SAMD5: variants seen among roughly 807,000 people sequenced by gnomAD.
SAMD5 encodes the protein sterile alpha motif domain containing 5.
In SAMD5, 13 loss-of-function variants were observed where a neutral mutation model predicts 11.3. That is an observed-to-expected ratio of 1.15 (90% CI 0.75 to 1.83). SAMD5 has a LOEUF of 1.83. SAMD5 is among the 40% of genes most tolerant of loss of function. The pLI is 0.00. For synonymous variants in SAMD5, 129 were observed against 111.3 expected (o/e 1.16, Z -1.00); for missense variants, 255 against 239.1 (o/e 1.07, Z -0.44).
At chr6:147,935,113 G>A in the SAMD5 span, among the ~76,000 whole-genome samples, 1 of 152,184 alleles carries the variant, frequency 6.6e-6, no homozygotes, top group African/African-American at 2.4e-5. Context: ...TGTCTCCAGT[G>A]TGACTGGCCT....
chr6:147,650,485 C>T (rs1302018), intron 1 of SAMD5, among the ~76,000 whole-genome samples: 50,867 of 152,108 alleles, frequency 0.33, 9,192 homozygotes, highest in East Asian at 0.54. Context: ...TAGCTGAAGA[C>T]GAGGCTGAAC....
the SAMD5 span, among the ~76,000 whole-genome samples, chr6:147,800,712 G>A: frequency 1.3e-5 from 2 of 151,982 alleles, no homozygotes; most frequent in Admixed American, 6.6e-5. Context: ...AATTCTAAAA[G>A]CCTAATGAAT....
chr6:147,787,704 G>A, the SAMD5 span, among the ~76,000 whole-genome samples: 22 of 152,208 alleles, frequency 1.4e-4, no homozygotes, highest in Admixed American at 1.4e-3. Context: ...TGAAAGCCTC[G>A]TTCTTGCTTC....
chr6:147,836,079 C>A, the SAMD5 span, among the ~76,000 whole-genome samples: 1 of 152,202 alleles, frequency 6.6e-6, no homozygotes, highest in Non-Finnish European at 1.5e-5. Flanking sequence ...CTAGTTAGAG[C>A]CTAATATATC....
the SAMD5 span, among the ~76,000 whole-genome samples, chr6:147,811,617 T>C: frequency 2.6e-5 from 4 of 152,234 alleles, no homozygotes; most frequent in African/African-American, 9.6e-5. Flanking sequence ...CTGATGGTGC[T>C]GATGGCCACG....
intron 1 of SAMD5, among the ~76,000 whole-genome samples, chr6:147,652,807 CTTTG>C (rs1438976122): frequency 2.6e-5 from 4 of 152,180 alleles, no homozygotes; most frequent in African/African-American, 9.7e-5. Flanking sequence ...AATCCTGTCA[CTTTG>C]TTTGGTCAGC....
intron 1 of SAMD5, among the ~76,000 whole-genome samples, chr6:147,645,550 G>A (rs1303416093): frequency 1.3e-5 from 2 of 152,132 alleles, no homozygotes; most frequent in African/African-American, 4.8e-5. Flanking sequence ...GGGAAAAAGA[G>A]CAAGTTACAT....
Position 147,567,455 on chromosome 6 carries a change from G to A in SAMD5, c.*2999G>A. The A allele has an allele frequency of 1.0e-6, 1 of 983,082 alleles. No individual in the cohort carries two copies. The allele number at this position is 983,082 out of a possible 1,614,324, so 60.9% of individuals were successfully genotyped here. Reference sequence around the variant, plus strand: ...TTCCTGCGGTGAATCTGTTAAGGATGTAAGCTATAGTGTAGCTTGGGGAAT... The same window carrying A: ...TTCCTGCGGTGAATCTGTTAAGGATATAAGCTATAGTGTAGCTTGGGGAAT... On this transcript the variant is annotated 3_prime_UTR_variant, in exon 2 of 2. Coordinates refer to ENST00000367474, the MANE Select transcript of SAMD5 (RefSeq NM_001030060.3).
the SAMD5 span, among the ~76,000 whole-genome samples, chr6:147,857,950 T>A: frequency 6.7e-6 from 1 of 149,004 alleles, no homozygotes; most frequent in Non-Finnish European, 1.5e-5. Flanking sequence ...CCTTGGGTTC[T>A]GTCCCCAGTC....
intron 1 of SAMD5, among the ~76,000 whole-genome samples, chr6:147,619,812 G>A (rs1789930760): frequency 6.6e-6 from 1 of 152,138 alleles, no homozygotes; most frequent in South Asian, 2.1e-4. Context: ...ACAAGGGGGA[G>A]GCCACCTACT....
the SAMD5 span, among the ~76,000 whole-genome samples, chr6:147,949,780 T>C: frequency 6.6e-6 from 1 of 152,222 alleles, no homozygotes; most frequent in Non-Finnish European, 1.5e-5. Flanking sequence ...AACTCTTATG[T>C]GATATGGATA....
At chr6:147,878,373 C>T in the SAMD5 span, among the ~76,000 whole-genome samples, 1 of 151,670 alleles carries the variant, frequency 6.6e-6, no homozygotes, top group Admixed American at 6.6e-5. Context: ...CCCCTCTAAT[C>T]CCATTCATGA....
the SAMD5 span, among the ~76,000 whole-genome samples, chr6:147,904,303 A>C: frequency 6.6e-6 from 1 of 152,130 alleles, no homozygotes; most frequent in African/African-American, 2.4e-5. Context: ...CCTGGCCCCA[A>C]AAAGCTTCCA....
At chr6:147,617,957 AT>A (rs908144603) in intron 1 of SAMD5, among the ~76,000 whole-genome samples, 2 of 152,250 alleles carry the variant, frequency 1.3e-5, no homozygotes, top group African/African-American at 4.8e-5. Context: ...TTATATCAAT[AT>A]TCATTTAGCC....
chr6:147,526,897 C>G (rs1788351332), intron 1 of SAMD5, among the ~76,000 whole-genome samples: 1 of 152,178 alleles, frequency 6.6e-6, no homozygotes, highest in African/African-American at 2.4e-5. Flanking sequence ...ATTCCAGAAA[C>G]TGGGACCTGT....
chr6:147,677,287 A>G (rs1318471579), intron 1 of SAMD5, among the ~76,000 whole-genome samples: 1 of 152,148 alleles, frequency 6.6e-6, no homozygotes, highest in African/African-American at 2.4e-5. Context: ...GTTTCTAAGA[A>G]TGATGGCAGA....
the SAMD5 span, among the ~76,000 whole-genome samples, chr6:147,786,717 G>GGAT: frequency 6.6e-6 from 1 of 152,158 alleles, no homozygotes; most frequent in Non-Finnish European, 1.5e-5. Flanking sequence ...GGCTCATTTT[G>GGAT]ATGCTATCCA....
the SAMD5 span, among the ~76,000 whole-genome samples, chr6:147,857,651 A>G: frequency 0.065 from 9,688 of 149,730 alleles, 528 homozygotes; most frequent in African/African-American, 0.12. Context: ...GTATGCCTGT[A>G]AATGGGCTAT....
At chr6:147,593,108 G>C (rs1001635752) in intron 1 of SAMD5, among the ~76,000 whole-genome samples, 3 of 152,084 alleles carry the variant, frequency 2.0e-5, no homozygotes, top group African/African-American at 7.2e-5. Flanking sequence ...TATTCGATCT[G>C]GCCAGAAGTT....
Sources: allele counts gnomAD v4.1 joint callset (sites outside exome capture counted in the v4.1 genomes callset), GRCh38; gene constraint gnomAD v4.1.1; transcripts MANE v1.5; gene names NCBI Gene and HGNC (gene_info 2026-07-23, HGNC 2026-07-21).